HERC4: variants seen among roughly 807,000 people sequenced by gnomAD.
HERC4 encodes HECT and RLD domain containing E3 ubiquitin protein ligase 4.
A neutral mutation model predicts 124.3 loss-of-function variants in HERC4; 28 were observed. The ratio of observed to expected loss-of-function variants is 0.23; its 90% CI spans 0.17 to 0.31. HERC4 has a LOEUF of 0.31. Ranked by LOEUF, HERC4 falls within the 10% of genes least tolerant of loss-of-function variation. The pLI is 1.00. For synonymous variants in HERC4, 407 were observed against 421.5 expected, an observed-to-expected ratio of 0.97 and a Z score of 0.42; for missense variants, 713 against 1,229.3, an observed-to-expected ratio of 0.58 and a Z score of 6.28.
chr10:68,019,482 T>C (rs200827002), intron 8 of HERC4, among the ~76,000 whole-genome samples: 1 of 151,736 alleles, frequency 6.6e-6, no homozygotes, highest in East Asian at 1.9e-4. Flanking sequence ...CACCATACAG[T>C]AGGAGGGTGA....
At chr10:68,069,484 ATC>A in intron 3 of HERC4, 1 of 985,460 alleles carries the variant, frequency 1.0e-6, no homozygotes, top group Non-Finnish European at 1.2e-6. Flanking sequence ...ATTCAGTTAA[ATC>A]TTTCTGTGTG....
In HERC4 at chr10:67,969,546, G is replaced by A. The variant is rs573850043; in HGVS notation, c.1807-2744C>T. On this transcript the variant is annotated intron_variant, in intron 15 of 24. Coordinates refer to ENST00000373700, the MANE Select transcript of HERC4 (RefSeq NM_015601.4). ...AGGAATTAGCTGCCACATGAGAAAG[G>A]AACAAAGGCCCGTCACCCTGCCCAG... Among the ~76,000 whole-genome samples, 7 of 152,210 alleles carry A rather than the reference G, an allele frequency of 4.6e-5. No homozygotes were observed. In the East Asian group the frequency reaches 7.7e-4, roughly 17 times the overall value.
chr10:68,051,562 T>C (rs1053040293), intron 3 of HERC4, among the ~76,000 whole-genome samples: 1 of 151,786 alleles, frequency 6.6e-6, no homozygotes, highest in African/African-American at 2.4e-5. Flanking sequence ...AGTTTCACCA[T>C]GTTAGCCAGG....
chr10:68,013,689 A>G (rs1401502914), intron 9 of HERC4, among the ~76,000 whole-genome samples: 1 of 152,204 alleles, frequency 6.6e-6, no homozygotes, highest in Non-Finnish European at 1.5e-5. Flanking sequence ...GCTTAATGCT[A>G]CTTAAAAAAT....
At chr10:67,981,843 A>AG (rs2035949131) in intron 15 of HERC4, among the ~76,000 whole-genome samples, 1 of 152,130 alleles carries the variant, frequency 6.6e-6, no homozygotes, top group Non-Finnish European at 1.5e-5. Flanking sequence ...TGGGAGGCTG[A>AG]GACATGAGAA....
chr10:67,965,761 C>T (rs1025652793), intron 16 of HERC4: 1 of 152,156 alleles, frequency 6.6e-6, no homozygotes, highest in Non-Finnish European at 1.5e-5. Context: ...AGTTACTCAC[C>T]CTTCTATTAT....
At position 68,049,420 on chromosome 10, in the gene HERC4, T is replaced by C. The variant is rs144876625; in HGVS notation, c.227-4857A>G. Among the ~76,000 whole-genome samples, 1,249 of 151,340 alleles carry C rather than the reference T, an allele frequency of 8.3e-3. 18 individuals carry two copies. The highest frequency in any genetic ancestry group is 0.029 in the African/African-American group (1,202 of 41,174). The stretch of plus-strand genomic sequence containing the variant: ...GGCTCACATCTGTAATCCCAGGACT[T>C]TGGGAGGCTGAGGTGGACAGATCTT... On this transcript the variant is annotated intron_variant, in intron 3 of 24. Coordinates refer to ENST00000373700, the MANE Select transcript of HERC4 (RefSeq NM_015601.4).
chr10:67,972,431 G>GA (rs2035296739), intron 15 of HERC4, among the ~76,000 whole-genome samples: 1 of 146,172 alleles, frequency 6.8e-6, no homozygotes, highest in Non-Finnish European at 1.5e-5. Context: ...TGAGACAGAA[G>GA]AATCGCTTGA....
Position 67,963,527 on chromosome 10 carries a change from T to C in HERC4, c.1926+3156A>G, listed in dbSNP as rs547309737. ...ACCTGGACTGTAATGTTATTTATAATTATAAATTTGCTGTGGTCTTAGAGT... is the reference window on the plus strand; with the variant it reads ...ACCTGGACTGTAATGTTATTTATAACTATAAATTTGCTGTGGTCTTAGAGT... On this transcript the variant is annotated intron_variant, in intron 16 of 24. Coordinates refer to ENST00000373700, the MANE Select transcript of HERC4 (RefSeq NM_015601.4). Among the ~76,000 whole-genome samples, 9 of 152,314 alleles carry C rather than the reference T, an allele frequency of 5.9e-5. No individual in the cohort carries two copies. The South Asian group carries it at 1.9e-3, about 32-fold the overall frequency.
chr10:67,999,931 C>G (rs61010062), intron 9 of HERC4, among the ~76,000 whole-genome samples: 12,056 of 152,082 alleles, frequency 0.079, 1,263 homozygotes, highest in African/African-American at 0.24. Flanking sequence ...TTTCCTACTA[C>G]AATATAATTG....
chr10:68,007,236 T>G (rs1243894029), intron 9 of HERC4, among the ~76,000 whole-genome samples: 2 of 152,136 alleles, frequency 1.3e-5, no homozygotes, highest in East Asian at 3.9e-4. Context: ...TGATCAATTC[T>G]GCTGTTGAGA....
At chr10:67,980,360 C>G (rs557206890) in intron 15 of HERC4, among the ~76,000 whole-genome samples, 1 of 151,944 alleles carries the variant, frequency 6.6e-6, no homozygotes, top group Admixed American at 6.6e-5. Context: ...CTCGAACTCC[C>G]GACCTCAGGT....
At chr10:68,059,843 T>TATATATCATATTATATATTATAATA (rs1564609908) in intron 3 of HERC4, among the ~76,000 whole-genome samples, 1 of 26,310 alleles carries the variant, frequency 3.8e-5, no homozygotes, top group Non-Finnish European at 5.2e-5. Flanking sequence ...TATATTATAA[T>TATATATCATATTATATATTATAATA]ATATTATATA....
At chr10:67,976,494 G>A (rs2035594638) in intron 15 of HERC4, among the ~76,000 whole-genome samples, 1 of 152,108 alleles carries the variant, frequency 6.6e-6, no homozygotes, top group Admixed American at 6.6e-5. Flanking sequence ...GGTGGAAGAG[G>A]TGAAGCAATA....
intron 4 of HERC4, chr10:68,039,305 G>GACC: frequency 7.6e-7 from 1 of 1,314,790 alleles, no homozygotes; most frequent in Non-Finnish European, 9.9e-7. Flanking sequence ...GATAGAGTAA[G>GACC]ACCCTGTCTC....
chr10:67,950,281 AT>A (rs376523407), intron 19 of HERC4, among the ~76,000 whole-genome samples: 207 of 143,010 alleles, frequency 1.4e-3, no homozygotes, highest in Admixed American at 1.3e-3. Context: ...TACAGGGGAG[AT>A]TTTTTTTTTT....
chr10:68,069,982 C>T, intron 3 of HERC4: 1 of 634,004 alleles, frequency 1.6e-6, no homozygotes, highest in Non-Finnish European at 2.0e-6. Flanking sequence ...GCGGAGGTTG[C>T]AGTGAGCAGA....
intron 3 of HERC4, among the ~76,000 whole-genome samples, chr10:68,052,368 G>C (rs2040358715): frequency 6.6e-6 from 1 of 151,868 alleles, no homozygotes; most frequent in Non-Finnish European, 1.5e-5. Context: ...CTTAAAGAAA[G>C]ACTTTCATTT....
At chr10:67,979,883 G>A (rs2035823769) in intron 15 of HERC4, among the ~76,000 whole-genome samples, 1 of 151,852 alleles carries the variant, frequency 6.6e-6, no homozygotes, top group Non-Finnish European at 1.5e-5. Flanking sequence ...CTTGCGGTGA[G>A]CCGAGATAGT....
Sources: allele counts gnomAD v4.1 joint callset (sites outside exome capture counted in the v4.1 genomes callset), GRCh38; gene constraint gnomAD v4.1.1; transcripts MANE v1.5; gene names NCBI Gene and HGNC (gene_info 2026-07-23, HGNC 2026-07-21).